Variants in FMN2 observed in about 807,000 individuals in gnomAD.
The protein encoded by FMN2 is formin 2, also known as formin-2.
Under a neutral mutation model 142.3 loss-of-function variants are expected in FMN2, and 51 were observed. The ratio of observed to expected loss-of-function variants is 0.36; its 90% CI spans 0.29 to 0.45. FMN2 has a LOEUF of 0.45. Ranked by LOEUF, FMN2 falls within the 20% of genes least tolerant of loss-of-function variation. FMN2 has a pLI of 1.00. For synonymous variants in FMN2, 882 were observed against 869.8 expected (o/e 1.01, Z -0.25); for missense variants, 1,936 against 2,122.8 (o/e 0.91, Z 1.73).
At chr1:240,309,854 T>C (rs1281941788) in intron 8 of FMN2, among the ~76,000 whole-genome samples, 10 of 152,090 alleles carry the variant, frequency 6.6e-5, no homozygotes, top group Admixed American at 6.6e-4. Context: ...GTTGAGGTTT[T>C]AGGAGGTATG....
In FMN2 at chr1:240,307,411, T is replaced by G. The variant is rs1670447698; in HGVS notation, c.4215+12528T>G. Among the ~76,000 whole-genome samples, 6 of 152,344 alleles carry G rather than the reference T, an allele frequency of 3.9e-5. No homozygotes were observed. The South Asian group carries it at 1.2e-3, about 32-fold the overall frequency. ...TTTAAGTTTTTAATGCATCTTGAGTTAATTTTTATGTGTGGTAAGAGGTAG... is the reference window on the plus strand; with the variant it reads ...TTTAAGTTTTTAATGCATCTTGAGTGAATTTTTATGTGTGGTAAGAGGTAG... On this transcript the variant is annotated intron_variant, in intron 8 of 17. Coordinates refer to ENST00000319653, the MANE Select transcript of FMN2 (RefSeq NM_020066.5).
chr1:240,232,819 C>T (rs1344375862), intron 6 of FMN2, among the ~76,000 whole-genome samples: 1 of 152,120 alleles, frequency 6.6e-6, no homozygotes, highest in Non-Finnish European at 1.5e-5. Context: ...TTATAATAGT[C>T]TACTATACAT....
intron 6 of FMN2, among the ~76,000 whole-genome samples, chr1:240,247,294 G>T (rs1046329728): frequency 3.3e-5 from 5 of 152,092 alleles, no homozygotes; most frequent in African/African-American, 1.2e-4. Context: ...CCTGAGGTTG[G>T]GAGTTTGAGA....
intron 14 of FMN2, among the ~76,000 whole-genome samples, chr1:240,361,681 C>A (rs766402314): frequency 6.6e-6 from 1 of 152,086 alleles, no homozygotes; most frequent in Non-Finnish European, 1.5e-5. Flanking sequence ...GCATGGTTAC[C>A]CATATGTAAA....
At chr1:240,259,797 T>G (rs1668568527) in intron 7 of FMN2, among the ~76,000 whole-genome samples, 2 of 152,208 alleles carry the variant, frequency 1.3e-5, no homozygotes, top group South Asian at 4.1e-4. Flanking sequence ...AGGTGGTATT[T>G]GGTTACATGA....
intron 5 of FMN2, among the ~76,000 whole-genome samples, 198 bp downstream of exon 5, chr1:240,208,930 A>G (rs1666566022): frequency 1.3e-5 from 2 of 152,186 alleles, no homozygotes; most frequent in South Asian, 4.1e-4. Context: ...CAAAGATGTA[A>G]AATAAATACA....
chr1:240,180,114 G>A lies in FMN2; in HGVS notation c.1930+2046G>A, dbSNP rs371888475. On this transcript the variant is annotated intron_variant, in intron 3 of 17. Coordinates refer to ENST00000319653, the MANE Select transcript of FMN2 (RefSeq NM_020066.5). ...TTGATGTAGCTTGCAAAATGCTAGAGCAAGTGATTTTTAATGAAATAACTT... is the reference window on the plus strand; with the variant it reads ...TTGATGTAGCTTGCAAAATGCTAGAACAAGTGATTTTTAATGAAATAACTT... 2,678 of 1,165,602 alleles carry A rather than the reference G, an allele frequency of 2.3e-3. 62 individuals carry two copies. In the South Asian group the frequency reaches 0.031, roughly 14 times the overall value. The allele number at this position is 1,165,602 out of a possible 1,614,324, so 72.2% of individuals were successfully genotyped here.
chr1:240,104,685 C>T (rs1336093741), intron 1 of FMN2, among the ~76,000 whole-genome samples: 1 of 152,134 alleles, frequency 6.6e-6, no homozygotes, highest in Non-Finnish European at 1.5e-5. Context: ...AAAACTCAAC[C>T]ACCTTTGGAA....
intron 15 of FMN2, among the ~76,000 whole-genome samples, chr1:240,415,530 T>TAAAA (rs372874071): frequency 2.8e-5 from 4 of 140,784 alleles, no homozygotes; most frequent in African/African-American, 1.0e-4. Flanking sequence ...TTAAGTATAA[T>TAAAA]AAAAAAAAAA....
intron 7 of FMN2, 124 bp from the exon 8 acceptor site, chr1:240,294,698 G>A: frequency 1.3e-6 from 1 of 797,204 alleles, no homozygotes; most frequent in Non-Finnish European, 2.1e-6. Flanking sequence ...GGGGCAAGGG[G>A]AAACATTGAA....
intron 8 of FMN2, among the ~76,000 whole-genome samples, chr1:240,296,438 CTTTTT>C (rs772711130): frequency 2.1e-5 from 1 of 46,910 alleles, no homozygotes; most frequent in Admixed American, 3.2e-4. Context: ...TCTTTGAGTG[CTTTTT>C]TTTTTTTTTT....
chr1:240,140,265 A>G (rs914369520), intron 2 of FMN2, among the ~76,000 whole-genome samples: 1 of 152,178 alleles, frequency 6.6e-6, no homozygotes, highest in African/African-American at 2.4e-5. Context: ...TAAGCTTTCT[A>G]TGTACCAGGC....
At chr1:240,263,707 G>C (rs1393286968) in intron 7 of FMN2, among the ~76,000 whole-genome samples, 1 of 152,128 alleles carries the variant, frequency 6.6e-6, no homozygotes, top group Non-Finnish European at 1.5e-5. Flanking sequence ...AAAAATATTT[G>C]AAAATAGATT....
intron 2 of FMN2, among the ~76,000 whole-genome samples, chr1:240,138,548 A>T (rs1477526334): frequency 6.6e-6 from 1 of 152,008 alleles, no homozygotes; most frequent in East Asian, 1.9e-4. Flanking sequence ...AAAAAAAAAA[A>T]ATACAAACAT....
intron 14 of FMN2, among the ~76,000 whole-genome samples, chr1:240,367,283 T>A (rs924267485): frequency 6.6e-6 from 1 of 152,224 alleles, no homozygotes; most frequent in Non-Finnish European, 1.5e-5. Context: ...CTTTTACTTA[T>A]TGAGTTATTA....
chr1:240,456,248 A>G (rs780158777), intron 16 of FMN2, among the ~76,000 whole-genome samples: 3 of 152,108 alleles, frequency 2.0e-5, no homozygotes, highest in Non-Finnish European at 4.4e-5. Context: ...AAGCTTATTC[A>G]TATTTTTGTG....
At chr1:240,239,655 A>C (rs1327483405) in intron 6 of FMN2, among the ~76,000 whole-genome samples, 1 of 152,266 alleles carries the variant, frequency 6.6e-6, no homozygotes, top group Non-Finnish European at 1.5e-5. Context: ...AAGCACCAGC[A>C]TACTCTATGG....
At position 240,438,085 on chromosome 1, in the gene FMN2, C is replaced by T; in HGVS notation, c.4935C>T (p.Phe1645=). 6.2e-7 allele frequency: 1 copy of T among 1,613,902 alleles called. No individual in the cohort carries two copies. The highest frequency in any genetic ancestry group is 2.2e-5 in the East Asian group (1 of 44,860). ...GCTTTTTGGAGACCACGGCATATTT[C>T]TTCATGAAACCAAAACTTGGAGAGA... The part of the protein sequence containing the change: ...HKCFLETTAY[F]FMKPKLGEKE... Residue 1645 remains phenylalanine, a synonymous_variant, in exon 16 of 18, where the codon TTC becomes TTT. Transcript: ENST00000319653.
At chr1:240,226,508 G>C (rs188879703) in intron 6 of FMN2, among the ~76,000 whole-genome samples, 5 of 152,224 alleles carry the variant, frequency 3.3e-5, no homozygotes, top group African/African-American at 1.2e-4. Context: ...GTTGCTAAAA[G>C]ACCTGGCTTT....
Sources: gnomAD v4.1 joint callset for allele counts (sites outside exome capture counted in the v4.1 genomes callset) on GRCh38, gnomAD v4.1.1 for gene constraint, MANE v1.5 for transcripts, NCBI Gene and HGNC (gene_info 2026-07-23, HGNC 2026-07-21) for gene names.